GALM: variants seen among roughly 807,000 people sequenced by gnomAD.
GALM encodes galactose mutarotase, also known as aldose 1-epimerase.
In GALM, 43 loss-of-function variants were observed where a neutral mutation model predicts 37.4. The ratio of observed to expected loss-of-function variants is 1.15; its 90% CI spans 0.90 to 1.48. GALM has a LOEUF of 1.48. GALM is among the 40% of genes most tolerant of loss of function. The pLI is 0.00. For missense variants in GALM, 456 were observed against 419.1 expected (o/e 1.09, Z -0.77); for synonymous variants, 199 against 170.6 (o/e 1.17, Z -1.30).
intron 4 of GALM, among the ~76,000 whole-genome samples, chr2:38,707,962 C>T (rs1263726042): frequency 2.6e-5 from 4 of 151,878 alleles, no homozygotes; most frequent in Non-Finnish European, 5.9e-5. Context: ...AAAAAATTAG[C>T]GAGGCGTGGT....
chr2:38,711,262 C>T (rs1369074154), intron 4 of GALM, among the ~76,000 whole-genome samples: 3 of 151,506 alleles, frequency 2.0e-5, no homozygotes, highest in East Asian at 1.9e-4. Flanking sequence ...CAGGTTCAAG[C>T]GATTCTCCTG....
At chr2:38,727,052 CAA>C (rs975075614) in intron 4 of GALM, among the ~76,000 whole-genome samples, 2 of 151,736 alleles carry the variant, frequency 1.3e-5, no homozygotes, top group South Asian at 4.2e-4. Context: ...CCCGTCTCTA[CAA>C]AAAATACAAA....
At position 38,733,710 on chromosome 2, in the gene GALM, G is replaced by A; in HGVS notation, c.*145G>A. ...GTGGCTGTTCTGAGAATCAGTCTGG[G>A]TATTGATTTCCTTTTCCAGTGACTG... On this transcript the variant is annotated 3_prime_UTR_variant, in exon 7 of 7. Transcript: ENST00000272252. The A allele has an allele frequency of 1.4e-6, 1 of 690,452 alleles. No individual in the cohort carries two copies. Among genetic ancestry groups the A allele is most frequent in the African/African-American group, 1.8e-5 (1 of 56,280 alleles). 42.8% of individuals were successfully genotyped at this position (690,452 alleles called of 1,614,324 possible).
At chr2:38,672,514 A>C (rs768207446) in intron 1 of GALM, among the ~76,000 whole-genome samples, 17 of 152,136 alleles carry the variant, frequency 1.1e-4, no homozygotes, top group Non-Finnish European at 2.2e-4. Flanking sequence ...GGTAAGGTTA[A>C]TAACCAGAAA....
chr2:38,667,500 G>T (rs1664977566), intron 1 of GALM, among the ~76,000 whole-genome samples: 1 of 152,180 alleles, frequency 6.6e-6, no homozygotes, highest in Non-Finnish European at 1.5e-5. Context: ...AACCCAGGAG[G>T]CGGAGGTTGC....
chr2:38,712,992 T>C (rs1409740129), intron 4 of GALM, among the ~76,000 whole-genome samples: 3 of 152,168 alleles, frequency 2.0e-5, no homozygotes, highest in African/African-American at 7.2e-5. Flanking sequence ...TAATGTAACC[T>C]AGCTGTGTTC....
rs779103191 is a variant in GALM, at chr2:38,681,393, T to A, written c.459T>A (p.Asp153Glu). 6.2e-7 allele frequency: 1 copy of A among 1,614,174 alleles called. No individual in the cohort carries two copies. Among genetic ancestry groups the A allele is most frequent in the Non-Finnish European group, 8.5e-7 (1 of 1,180,016 alleles). ...AAGTCTGGGTGACATACACCCTGGA[T>A]GGCGGAGAGCTCATAGTCAACTACA... ...ELKVWVTYTL[D>E]GGELIVNYRA... Residue 153 changes from aspartate (D) to glutamate (E), a missense_variant, in exon 3 of 7, where the codon GAT becomes GAA. By Grantham distance (45) the Asp-to-Glu change is conservative. Transcript: ENST00000272252.
intron 1 of GALM, chr2:38,668,140 C>T (rs1273505229): frequency 3.3e-5 from 5 of 152,148 alleles, no homozygotes; most frequent in African/African-American, 9.7e-5. Flanking sequence ...TGAAAGCTCC[C>T]GTGTCACATA....
intron 4 of GALM, among the ~76,000 whole-genome samples, chr2:38,726,385 C>T (rs1666486902): frequency 6.6e-6 from 1 of 151,248 alleles, no homozygotes; most frequent in Non-Finnish European, 1.5e-5. Flanking sequence ...CGCCACTACG[C>T]CCGGCTAATT....
In GALM at chr2:38,681,396, C is replaced by T. The variant is rs369936446; in HGVS notation, c.462C>T (p.Gly154=). 19 of 1,613,906 alleles carry T rather than the reference C, an allele frequency of 1.2e-5. No individual in the cohort carries two copies. Among genetic ancestry groups the T allele is most frequent in the African/African-American group, 8.0e-5 (6 of 74,908 alleles). ...LKVWVTYTLD[G]GELIVNYRAQ... is the part of the protein sequence containing the mutation. Reference sequence around the variant, plus strand: ...TCTGGGTGACATACACCCTGGATGGCGGAGAGCTCATAGTCAACTACAGAG... The same window carrying T: ...TCTGGGTGACATACACCCTGGATGGTGGAGAGCTCATAGTCAACTACAGAG... The change falls in exon 3 of 7, where the codon GGC becomes GGT. Residue 154 remains glycine, a synonymous_variant. Coordinates refer to ENST00000272252, the MANE Select transcript of GALM (RefSeq NM_138801.3).
intron 1 of GALM, 76 bp downstream of exon 1, chr2:38,666,427 T>C: frequency 1.7e-6 from 2 of 1,179,196 alleles, no homozygotes; most frequent in South Asian, 1.5e-5. Context: ...AGCGGGCCAC[T>C]TGCAATGCGA....
At chr2:38,672,433 A>T (rs114136172) in intron 1 of GALM, among the ~76,000 whole-genome samples, 6 of 152,294 alleles carry the variant, frequency 3.9e-5, no homozygotes, top group South Asian at 4.1e-4. Flanking sequence ...CTATTTTCAG[A>T]AAGAGAAGAA....
chr2:38,676,155 C>A, intron 2 of GALM, 89 bp downstream of exon 2: 1 of 1,323,820 alleles, frequency 7.6e-7, no homozygotes, highest in Non-Finnish European at 1.1e-6. Context: ...CCCTAGAGCA[C>A]ATGAGTGGTG....
intron 4 of GALM, among the ~76,000 whole-genome samples, chr2:38,696,024 T>C (rs1311591447): frequency 6.6e-6 from 1 of 151,708 alleles, no homozygotes; most frequent in African/African-American, 2.4e-5. Context: ...TAAATCTCTC[T>C]TCTTAGGGTC....
intron 4 of GALM, among the ~76,000 whole-genome samples, chr2:38,706,272 G>C (rs1223545055): frequency 6.6e-6 from 1 of 151,728 alleles, no homozygotes; most frequent in Non-Finnish European, 1.5e-5. Context: ...CAAAGTGCTG[G>C]GATTACAGGC....
At position 38,681,300 on chromosome 2, in the gene GALM, G is replaced by T. The variant is rs1290022266; in HGVS notation, c.366G>T (p.Val122=). The part of the protein sequence containing the change: ...GFDKVLWTPR[V]LSNGVQFSRI... ...TCCAGGTGCTCTGGACCCCTCGGGTGCTGTCAAATGGCGTCCAGTTCTCGC... is the reference window on the plus strand; with the variant it reads ...TCCAGGTGCTCTGGACCCCTCGGGTTCTGTCAAATGGCGTCCAGTTCTCGC... Residue 122 remains valine, a synonymous_variant, in exon 3 of 7, where the codon GTG becomes GTT. Transcript: ENST00000272252. The T allele has an allele frequency of 1.9e-6, 3 of 1,613,518 alleles. No individual in the cohort carries two copies. Among genetic ancestry groups the T allele is most frequent in the Non-Finnish European group, 2.5e-6 (3 of 1,180,010 alleles).
chr2:38,694,896 C>CA (rs778512686), intron 4 of GALM, among the ~76,000 whole-genome samples: 30,918 of 74,472 alleles, frequency 0.42, 5,359 homozygotes, highest in East Asian at 0.48. Context: ...GACTCCGTCT[C>CA]AAAAAAAAAA....
chr2:38,716,857 AAAAC>A (rs1028616095), intron 4 of GALM, among the ~76,000 whole-genome samples: 8 of 152,178 alleles, frequency 5.3e-5, no homozygotes, highest in South Asian at 2.1e-4. Flanking sequence ...CTGACTCTAA[AAAAC>A]AAACAAACAA....
chr2:38,671,816 ACT>A (rs1466561051), intron 1 of GALM, among the ~76,000 whole-genome samples: 1 of 151,934 alleles, frequency 6.6e-6, no homozygotes, highest in Non-Finnish European at 1.5e-5. Flanking sequence ...ACACAGGGAC[ACT>A]CTGTCTCTAG....
Sources: allele counts gnomAD v4.1 joint callset (sites outside exome capture counted in the v4.1 genomes callset), GRCh38; gene constraint gnomAD v4.1.1; transcripts MANE v1.5; gene names NCBI Gene and HGNC (gene_info 2026-07-23, HGNC 2026-07-21).